Variants in DZIP1 observed in about 807,000 individuals in gnomAD.
The protein encoded by DZIP1 is cilium assembly protein DZIP1.
In DZIP1, 97 loss-of-function variants were observed where a neutral mutation model predicts 107.6. The observed-to-expected ratio is 0.90, with a 90% CI of 0.77 to 1.07. DZIP1 has a LOEUF of 1.07. DZIP1 is among the 50% of genes least tolerant of loss of function. DZIP1 has a pLI of 0.00. For synonymous variants in DZIP1, 390 were observed against 386.4 expected (o/e 1.01, Z -0.11); for missense variants, 1,035 against 1,063.6 (o/e 0.97, Z 0.37).
chr13:95,584,123 C>T (rs999346808), intron 22 of DZIP1, among the ~76,000 whole-genome samples: 9 of 151,864 alleles, frequency 5.9e-5, no homozygotes, highest in Non-Finnish European at 1.0e-4. Flanking sequence ...ACTACAGGCG[C>T]GCACCACCAT....
intron 7 of DZIP1, among the ~76,000 whole-genome samples, chr13:95,627,323 G>A (rs980111781): frequency 1.3e-5 from 2 of 152,130 alleles, no homozygotes; most frequent in African/African-American, 4.8e-5. Context: ...AAAGTATAAA[G>A]TTGGGCCCCT....
At chr13:95,603,936 C>A (rs1485851122) in intron 14 of DZIP1, among the ~76,000 whole-genome samples, 1 of 152,234 alleles carries the variant, frequency 6.6e-6, no homozygotes, top group Non-Finnish European at 1.5e-5. Flanking sequence ...CCCTTCCAGG[C>A]TGCTTTAGCT....
At chr13:95,618,213 T>C (rs559665597) in intron 10 of DZIP1, among the ~76,000 whole-genome samples, 1 of 152,322 alleles carries the variant, frequency 6.6e-6, no homozygotes, top group Admixed American at 6.5e-5. Flanking sequence ...GCCTCACTCC[T>C]ACTCCCTTCT....
chr13:95,582,436 A>G (rs1390878528), intron 22 of DZIP1, 123 bp from the exon 23 acceptor site: 7 of 811,886 alleles, frequency 8.6e-6, no homozygotes, highest in Admixed American at 2.1e-5. Context: ...TCTGTTCATG[A>G]ATCCTCATCT....
intron 21 of DZIP1, 27 bp downstream of exon 21, chr13:95,585,979 A>G (rs2044148589): frequency 3.2e-6 from 5 of 1,571,252 alleles, no homozygotes; most frequent in Non-Finnish European, 8.6e-7. Context: ...AAATTTATGT[A>G]TATCTAGCAA....
chr13:95,607,638 T>C (rs964182811), intron 13 of DZIP1, among the ~76,000 whole-genome samples: 5 of 152,096 alleles, frequency 3.3e-5, no homozygotes, highest in African/African-American at 1.2e-4. Flanking sequence ...ATCTAGCCTG[T>C]GAAGCCTAAT....
At chr13:95,615,545 G>A (rs1874944395) in intron 10 of DZIP1, among the ~76,000 whole-genome samples, 1 of 152,220 alleles carries the variant, frequency 6.6e-6, no homozygotes, top group Admixed American at 6.5e-5. Flanking sequence ...ATCTCAGGGA[G>A]TGGAGCTGGC....
chr13:95,584,739 C>A lies in DZIP1; in HGVS notation c.2521G>T (p.Glu841Ter), dbSNP rs775159278. 3 of 1,611,592 alleles carry A rather than the reference C, an allele frequency of 1.9e-6. No homozygotes were observed. The highest frequency in any genetic ancestry group is 3.4e-5 in the Admixed American group (2 of 59,700). ...ATTAGAGGGGAAAGCAGCAAACCTT[C>A]TCCCTTTGGCCCCTTAGGATTAAAT... ...GAFNPKGPKG[E>*]GLQENESSTL... The change falls in exon 22 of 23, where the codon GAA becomes TAA. Residue 841 changes from glutamate to a stop codon, truncating the protein, a stop_gained. Coordinates refer to ENST00000376829, the MANE Select transcript of DZIP1 (RefSeq NM_198968.4). LOFTEE classifies it low-confidence loss of function (END_TRUNC).
chr13:95,612,235 C>A, intron 10 of DZIP1, 58 bp from the exon 11 acceptor site: 1 of 1,570,422 alleles, frequency 6.4e-7, no homozygotes, highest in Non-Finnish European at 8.6e-7. Flanking sequence ...TGTCTTCATT[C>A]TCCAGATTTC....
chr13:95,642,932 C>T (rs935804652), intron 3 of DZIP1, 111 bp downstream of exon 3: 48 of 152,294 alleles, frequency 3.2e-4, no homozygotes, highest in African/African-American at 1.1e-3. Flanking sequence ...TGTAATACTT[C>T]ACCTGTCTTT....
At chr13:95,595,375 A>T (rs1194623792) in intron 15 of DZIP1, among the ~76,000 whole-genome samples, 1 of 26,804 alleles carries the variant, frequency 3.7e-5, no homozygotes, top group African/African-American at 1.8e-4. Context: ...CATTAAATAG[A>T]AGAACAAAAT....
At chr13:95,590,543 G>A in intron 16 of DZIP1, 102 bp from the exon 17 acceptor site, 1 of 1,225,514 alleles carries the variant, frequency 8.2e-7, no homozygotes, top group South Asian at 1.5e-5. Flanking sequence ...CATCCTTACA[G>A]GGCTCCAGTT....
At chr13:95,596,205 CT>C (rs1594660498) in intron 15 of DZIP1, among the ~76,000 whole-genome samples, 1 of 152,042 alleles carries the variant, frequency 6.6e-6, no homozygotes, top group East Asian at 1.9e-4. Flanking sequence ...TCAATCACAG[CT>C]GAGGATTTTA....
chr13:95,604,900 T>C (rs2044726339), intron 14 of DZIP1, among the ~76,000 whole-genome samples: 1 of 152,224 alleles, frequency 6.6e-6, no homozygotes, highest in Non-Finnish European at 1.5e-5. Flanking sequence ...ATATATTCAA[T>C]ATTAAAGCAA....
At chr13:95,605,899 T>C (rs561136904) in intron 14 of DZIP1, 104 bp downstream of exon 14, 3 of 1,184,726 alleles carry the variant, frequency 2.5e-6, no homozygotes, top group Non-Finnish European at 3.7e-6. Flanking sequence ...AAATGTTTCC[T>C]GTTTTATTAT....
chr13:95,596,537 A>G (rs1459152579), intron 15 of DZIP1, among the ~76,000 whole-genome samples: 1 of 152,224 alleles, frequency 6.6e-6, no homozygotes, highest in Non-Finnish European at 1.5e-5. Context: ...ATGGTCCTGT[A>G]GAGGCCACAT....
At chr13:95,590,975 G>T (rs530700429) in intron 16 of DZIP1, among the ~76,000 whole-genome samples, 145 of 151,444 alleles carry the variant, frequency 9.6e-4, no homozygotes, top group Non-Finnish European at 1.8e-3. Flanking sequence ...AGGCTGAAAG[G>T]TTATTCTACA....
intron 6 of DZIP1, among the ~76,000 whole-genome samples, chr13:95,630,317 C>T (rs1877042409): frequency 6.6e-6 from 1 of 152,042 alleles, no homozygotes; most frequent in Non-Finnish European, 1.5e-5. Context: ...TATTTTTTAG[C>T]AGATTCTTTC....
At chr13:95,638,514 A>C (rs1878088581) in intron 5 of DZIP1, among the ~76,000 whole-genome samples, 1 of 152,156 alleles carries the variant, frequency 6.6e-6, no homozygotes. Flanking sequence ...TTTTCTTTTA[A>C]AATCCCCCAT....
Sources: gnomAD v4.1 joint callset for allele counts (sites outside exome capture counted in the v4.1 genomes callset) on GRCh38, gnomAD v4.1.1 for gene constraint, MANE v1.5 for transcripts, NCBI Gene and HGNC (gene_info 2026-07-23, HGNC 2026-07-21) for gene names.